Variants in DCC observed in about 807,000 individuals in gnomAD.
The protein encoded by DCC is DCC netrin 1 receptor, also known as netrin receptor DCC.
In DCC, 58 loss-of-function variants were observed where a neutral mutation model predicts 172.5. That is an observed-to-expected ratio of 0.34 (90% CI 0.27 to 0.42). The LOEUF is 0.42. DCC is among the 10% of genes least tolerant of loss of function. The probability of loss-of-function intolerance (pLI) is 1.00; values close to 1 mark genes in which losing one functional copy is unlikely to be tolerated. For missense variants in DCC, 1,740 were observed against 1,791.0 expected (o/e 0.97, Z 0.51); for synonymous variants, 709 against 644.5 (o/e 1.10, Z -1.52).
intron 1 of DCC, among the ~76,000 whole-genome samples, chr18:52,451,700 G>T (rs1228840279): frequency 6.6e-6 from 1 of 152,138 alleles, no homozygotes; most frequent in Non-Finnish European, 1.5e-5. Flanking sequence ...ATGTGTGTGT[G>T]TGTGTGTACC....
chr18:52,859,445 C>T (rs1199516657), intron 2 of DCC, among the ~76,000 whole-genome samples: 2 of 152,036 alleles, frequency 1.3e-5, no homozygotes, highest in South Asian at 2.1e-4. Context: ...TTCAGAAGCT[C>T]GTATACAATC....
intron 7 of DCC, among the ~76,000 whole-genome samples, chr18:53,117,721 T>C (rs1376131351): frequency 6.6e-6 from 1 of 151,718 alleles, no homozygotes; most frequent in Non-Finnish European, 1.5e-5. Flanking sequence ...TATTTCAGGC[T>C]TTGCAGGCCA....
At chr18:52,787,461 C>A (rs980241996) in intron 2 of DCC, among the ~76,000 whole-genome samples, 1 of 152,082 alleles carries the variant, frequency 6.6e-6, no homozygotes, top group African/African-American at 2.4e-5. Flanking sequence ...CCATGGTTTA[C>A]AATAATTTTA....
At chr18:53,298,296 G>A (rs1464181359) in intron 12 of DCC, among the ~76,000 whole-genome samples, 1 of 151,932 alleles carries the variant, frequency 6.6e-6, no homozygotes, top group Non-Finnish European at 1.5e-5. Flanking sequence ...TAGAACTTTG[G>A]GAGGGTGAGC....
At chr18:52,962,704 C>G (rs1187954009) in intron 5 of DCC, among the ~76,000 whole-genome samples, 2 of 151,654 alleles carry the variant, frequency 1.3e-5, no homozygotes, top group African/African-American at 2.4e-5. Flanking sequence ...TGGAACCAAC[C>G]CAAATGTCCA....
intron 1 of DCC, among the ~76,000 whole-genome samples, chr18:52,435,668 C>T (rs1987769692): frequency 6.6e-6 from 1 of 152,184 alleles, no homozygotes; most frequent in East Asian, 1.9e-4. Context: ...GTTAGGCTGC[C>T]AGCCGCCCTT....
At chr18:52,634,961 A>T (rs1417603250) in intron 1 of DCC, among the ~76,000 whole-genome samples, 1 of 152,128 alleles carries the variant, frequency 6.6e-6, no homozygotes, top group Admixed American at 6.5e-5. Context: ...AGCTCTATTA[A>T]GTGTCTCTTA....
intron 13 of DCC, among the ~76,000 whole-genome samples, chr18:53,320,070 C>CTTT (rs35150045): frequency 1.6e-4 from 18 of 109,610 alleles, no homozygotes; most frequent in African/African-American, 4.5e-4. Context: ...CGCAAGAGTA[C>CTTT]TTTTTTTTTT....
At chr18:53,492,942 CCTAT>C (rs759685749) in intron 26 of DCC, among the ~76,000 whole-genome samples, 2 of 152,118 alleles carry the variant, frequency 1.3e-5, no homozygotes, top group Admixed American at 6.5e-5. Flanking sequence ...ATTGATTCTT[CCTAT>C]CTATGAGCAT....
At chr18:53,449,420 C>G (rs1003505271) in intron 22 of DCC, among the ~76,000 whole-genome samples, 4 of 152,148 alleles carry the variant, frequency 2.6e-5, no homozygotes, top group African/African-American at 9.7e-5. Flanking sequence ...ATATTTTCTG[C>G]CACGAGGTAC....
At chr18:53,089,247 G>A (rs868588607) in intron 7 of DCC, among the ~76,000 whole-genome samples, 7 of 152,130 alleles carry the variant, frequency 4.6e-5, no homozygotes, top group East Asian at 1.9e-4. Flanking sequence ...CACCACACCC[G>A]GCTAATTTTT....
intron 12 of DCC, among the ~76,000 whole-genome samples, chr18:53,297,150 C>T (rs567551815): frequency 1.2e-4 from 19 of 152,236 alleles, no homozygotes; most frequent in African/African-American, 4.6e-4. Flanking sequence ...CCTGTTTCCT[C>T]ACTTACTACT....
chr18:52,877,671 G>A (rs942691362), intron 2 of DCC, among the ~76,000 whole-genome samples: 3 of 151,692 alleles, frequency 2.0e-5, no homozygotes, highest in Non-Finnish European at 4.4e-5. Flanking sequence ...TAGCACCACT[G>A]TACTATAGCC....
At chr18:53,298,331 T>C (rs1406204233) in intron 12 of DCC, among the ~76,000 whole-genome samples, 4 of 150,644 alleles carry the variant, frequency 2.7e-5, no homozygotes, top group African/African-American at 9.8e-5. Flanking sequence ...AGCCTAGGAG[T>C]TCAAGACCAA....
At chr18:52,972,596 TATC>T (rs563380999) in intron 5 of DCC, among the ~76,000 whole-genome samples, 136 of 151,938 alleles carry the variant, frequency 9.0e-4, no homozygotes, top group Non-Finnish European at 1.5e-3. Flanking sequence ...TAATAAAATA[TATC>T]ATATATTTAC....
At chr18:53,076,669 C>T (rs978520447) in intron 7 of DCC, among the ~76,000 whole-genome samples, 3 of 152,036 alleles carry the variant, frequency 2.0e-5, no homozygotes, top group African/African-American at 7.2e-5. Context: ...CGGTAGAAGC[C>T]CTGAGAATAG....
intron 15 of DCC, among the ~76,000 whole-genome samples, chr18:53,381,204 G>GT (rs1383872929): frequency 1.4e-5 from 1 of 72,466 alleles, no homozygotes; most frequent in East Asian, 2.8e-4. Flanking sequence ...TCAGTACCAA[G>GT]TAAGGTATTT....
chr18:52,360,864 A>G (rs542443684), intron 1 of DCC, among the ~76,000 whole-genome samples: 1 of 152,348 alleles, frequency 6.6e-6, no homozygotes, highest in African/African-American at 2.4e-5. Context: ...GGAAAGGGCC[A>G]GTTTGGGATT....
intron 1 of DCC, among the ~76,000 whole-genome samples, chr18:52,425,099 A>G (rs73459057): frequency 0.081 from 12,336 of 152,144 alleles, 724 homozygotes; most frequent in African/African-American, 0.17. Context: ...TTTGATGGAT[A>G]GTGCTGATAA....
Sources: gnomAD v4.1 joint callset for allele counts (sites outside exome capture counted in the v4.1 genomes callset) on GRCh38, gnomAD v4.1.1 for gene constraint, MANE v1.5 for transcripts, NCBI Gene and HGNC (gene_info 2026-07-23, HGNC 2026-07-21) for gene names.